ADAMTS9: variants seen among roughly 807,000 people sequenced by gnomAD.
The protein encoded by ADAMTS9 is ADAM metallopeptidase with thrombospondin type 1 motif 9, also known as A disintegrin and metalloproteinase with thrombospondin motifs 9.
In ADAMTS9, 107 loss-of-function variants were observed where a neutral mutation model predicts 257.1. The observed-to-expected ratio is 0.42, with a 90% confidence interval of 0.36 to 0.49. ADAMTS9 has a LOEUF of 0.49. Ranked by LOEUF, ADAMTS9 falls within the 20% of genes least tolerant of loss-of-function variation. The probability of loss-of-function intolerance (pLI) is 0.03; values close to 1 mark genes in which losing one functional copy is unlikely to be tolerated. For synonymous variants in ADAMTS9, 982 were observed against 880.9 expected, an observed-to-expected ratio of 1.11 and a Z score of -2.03; for missense variants, 2,353 against 2,469.1, an observed-to-expected ratio of 0.95 and a Z score of 1.00.
intron 31 of ADAMTS9, 129 bp downstream of exon 31, chr3:64,550,763 A>C (rs1276401432): frequency 6.2e-6 from 7 of 1,128,652 alleles, no homozygotes; most frequent in African/African-American, 1.5e-5. Flanking sequence ...GAAAACACAC[A>C]GTTCACAGTG....
chr3:64,564,458 T>C (rs1485548289), intron 29 of ADAMTS9, among the ~76,000 whole-genome samples: 1 of 152,204 alleles, frequency 6.6e-6, no homozygotes, highest in Non-Finnish European at 1.5e-5. Flanking sequence ...AGCGATTAGT[T>C]TGAAAAACAA....
At position 64,596,895 on chromosome 3, in the gene ADAMTS9, G is replaced by T; in HGVS notation, c.4114C>A (p.Pro1372Thr). Residue 1372 changes from proline (P) to threonine (T), a missense_variant, in exon 27 of 40, where the codon CCT becomes ACT. This residue lies in a region of ADAMTS9 where 1,402 missense variants were observed against 1,441.4 expected (regional missense o/e 0.97). Transcript: ENST00000498707. ...GATTCACAGGCTCTTTGCTCATCAGGTTTTATTCTCTCCACACAGTCGTTT... is the reference window on the plus strand; with the variant it reads ...GATTCACAGGCTCTTTGCTCATCAGTTTTTATTCTCTCCACACAGTCGTTT... ...TANDCVERIK[P>T]DEQRACESGP... The T allele has an allele frequency of 6.2e-7, 1 of 1,613,966 alleles. No homozygotes were observed. The highest frequency in any genetic ancestry group is 8.5e-7 in the Non-Finnish European group (1 of 1,179,960).
rs1203868097 is a variant in ADAMTS9 at position 64,530,252 on chromosome 3, C to A, written c.5718+2914G>T. 2.6e-5 allele frequency among the ~76,000 whole-genome samples: 4 copies of A among 152,002 alleles called. No homozygotes were observed. In the South Asian group the frequency reaches 8.3e-4, roughly 32 times the overall value. ...TCCTGTATAATTTAGTCCCACCTCA[C>A]ATGCTAATGCTTACTGTGACTCTTC... On this transcript the variant is annotated intron_variant, in intron 38 of 39. Coordinates refer to ENST00000498707, the MANE Select transcript of ADAMTS9 (RefSeq NM_182920.2).
intron 27 of ADAMTS9, among the ~76,000 whole-genome samples, chr3:64,595,297 C>T (rs1300752401): frequency 6.6e-6 from 1 of 152,142 alleles, no homozygotes; most frequent in Non-Finnish European, 1.5e-5. Context: ...GAATAAACAG[C>T]ATGGTGGGAA....
intron 22 of ADAMTS9, among the ~76,000 whole-genome samples, chr3:64,612,457 A>T (rs918580730): frequency 3.9e-5 from 6 of 152,224 alleles, no homozygotes; most frequent in African/African-American, 1.4e-4. Flanking sequence ...ATGCTATGAA[A>T]TGGGGAAGAT....
At chr3:64,639,088 G>A (rs973744385) in intron 12 of ADAMTS9, among the ~76,000 whole-genome samples, 1 of 152,096 alleles carries the variant, frequency 6.6e-6, no homozygotes, top group East Asian at 1.9e-4. Context: ...GAATTTCTCT[G>A]AACAAGCTTT....
chr3:64,615,850 C>T, intron 20 of ADAMTS9, 110 bp downstream of exon 20: 1 of 1,293,358 alleles, frequency 7.7e-7, no homozygotes, highest in Non-Finnish European at 1.1e-6. Context: ...ACAAATCAAT[C>T]ACGGTCATCT....
chr3:64,523,796 C>T (rs2082879023), intron 38 of ADAMTS9, among the ~76,000 whole-genome samples: 1 of 152,166 alleles, frequency 6.6e-6, no homozygotes, highest in Non-Finnish European at 1.5e-5. Flanking sequence ...TGTCCTACTA[C>T]ACAGCAATTT....
At chr3:64,617,026 T>C (rs1394760270) in intron 19 of ADAMTS9, among the ~76,000 whole-genome samples, 1 of 152,192 alleles carries the variant, frequency 6.6e-6, no homozygotes, top group Non-Finnish European at 1.5e-5. Flanking sequence ...GAGTTGACCA[T>C]CTGGCAAGTA....
At chr3:64,541,682 T>C in intron 33 of ADAMTS9, 62 bp from the exon 34 acceptor site, 4 of 1,558,888 alleles carry the variant, frequency 2.6e-6, no homozygotes, top group African/African-American at 1.4e-5. Flanking sequence ...TATCTGCCTA[T>C]AGAATGAATG....
intron 18 of ADAMTS9, among the ~76,000 whole-genome samples, chr3:64,621,761 CAAAAAAAT>C (rs553116560): frequency 0.014 from 1,743 of 124,884 alleles, 38 homozygotes; most frequent in African/African-American, 0.043. Context: ...GACTCCATCT[CAAAAAAAT>C]AAAAAAATAA....
chr3:64,600,518 A>G (rs1033967390), intron 26 of ADAMTS9, among the ~76,000 whole-genome samples: 5 of 152,268 alleles, frequency 3.3e-5, no homozygotes, highest in African/African-American at 4.8e-5. Context: ...GTAGTCCTAA[A>G]TAAGCACAGC....
chr3:64,578,199 G>A (rs576361150), intron 28 of ADAMTS9, among the ~76,000 whole-genome samples: 3 of 151,858 alleles, frequency 2.0e-5, no homozygotes, highest in Non-Finnish European at 4.4e-5. Context: ...TTGCTCTATC[G>A]GGAGGTTGGA....
chr3:64,568,409 C>T lies in ADAMTS9; in HGVS notation c.4483G>A (p.Gly1495Arg), dbSNP rs779028059. 1 of 1,612,952 alleles carries T rather than the reference C, an allele frequency of 6.2e-7. No homozygotes were observed. The highest frequency in any genetic ancestry group is 2.2e-5 in the East Asian group (1 of 44,856). ...AKPHGHRKCR[G>R]GRCPKWKAGA... is the part of the protein sequence containing the mutation. Reference sequence around the variant, plus strand: ...GCTTTCCATTTGGGGCATCTTCCTCCTCGGCACTTTCTGTGCCCATGTGGC... The same window carrying T: ...GCTTTCCATTTGGGGCATCTTCCTCTTCGGCACTTTCTGTGCCCATGTGGC... The change falls in exon 29 of 40, where the codon GGA (glycine) becomes AGA (arginine). Residue 1495 changes from glycine (G) to arginine (R), a missense_variant. Physicochemically the swap from Gly to Arg is moderately radical, Grantham distance 125 (BLOSUM62 -2). Around this residue, in one of 3 missense-constraint regions of ADAMTS9, gnomAD observed 1,402 missense variants for 1,441.4 expected, o/e 0.97. Transcript: ENST00000498707.
chr3:64,530,438 C>T (rs2082964462), intron 38 of ADAMTS9, among the ~76,000 whole-genome samples: 1 of 151,176 alleles, frequency 6.6e-6, no homozygotes, highest in African/African-American at 2.4e-5. Flanking sequence ...TCAGTCCCAG[C>T]TCCCAGATAT....
chr3:64,647,762 A>C (rs570112407), intron 11 of ADAMTS9, among the ~76,000 whole-genome samples, 178 bp downstream of exon 11: 1 of 152,372 alleles, frequency 6.6e-6, no homozygotes, highest in African/African-American at 2.4e-5. Context: ...ATTATGCTAT[A>C]ATCTAAGTTT....
chr3:64,652,032 C>T (rs535111390), intron 8 of ADAMTS9, among the ~76,000 whole-genome samples: 1 of 152,322 alleles, frequency 6.6e-6, no homozygotes, highest in Admixed American at 6.5e-5. Context: ...AACACCAATT[C>T]TGTGACCCAC....
intron 8 of ADAMTS9, among the ~76,000 whole-genome samples, chr3:64,651,600 C>T (rs1029333277): frequency 1.3e-4 from 20 of 152,110 alleles, no homozygotes; most frequent in African/African-American, 3.9e-4. Flanking sequence ...AAGCCAAGAG[C>T]TTTCTAATAA....
chr3:64,652,120 T>C (rs767497376), intron 8 of ADAMTS9, among the ~76,000 whole-genome samples: 223 of 152,310 alleles, frequency 1.5e-3, no homozygotes, highest in Non-Finnish European at 8.1e-4. Flanking sequence ...TGGATGACTA[T>C]CCCCAATGCA....
Sources: gnomAD v4.1 joint callset for allele counts (sites outside exome capture counted in the v4.1 genomes callset) on GRCh38, gnomAD v4.1.1 for gene constraint, gnomAD v4.1.1 regional missense constraint, MANE v1.5 for transcripts, NCBI Gene and HGNC (gene_info 2026-07-23, HGNC 2026-07-21) for gene names.